The following INPP5A variants were observed in gnomAD, a reference collection of about 807,000 sequenced individuals.
INPP5A encodes inositol polyphosphate-5-phosphatase A, also known as 43 kDa inositol polyphosphate 5-phophatase.
INPP5A carries 14 observed loss-of-function variants against 65.2 expected under a neutral mutation model. That is an observed-to-expected ratio of 0.21 (90% confidence interval 0.14 to 0.34). The LOEUF (loss-of-function observed/expected upper bound fraction) is 0.34. Among genes scored for constraint, INPP5A ranks in the 10% least tolerant of loss-of-function variants. The pLI is 1.00. For synonymous variants in INPP5A, 207 were observed against 208.3 expected, an observed-to-expected ratio of 0.99 and a Z score of 0.05; for missense variants, 431 against 545.6, an observed-to-expected ratio of 0.79 and a Z score of 2.09.
intron 9 of INPP5A, among the ~76,000 whole-genome samples, chr10:132,742,797 G>A (rs369062688): frequency 2.0e-5 from 3 of 152,292 alleles, no homozygotes; most frequent in East Asian, 1.9e-4. Flanking sequence ...TCATGATGCC[G>A]GTTTGGTTCT....
intron 7 of INPP5A, among the ~76,000 whole-genome samples, 179 bp from the exon 8 acceptor site, chr10:132,710,158 G>A (rs972981911): frequency 8.5e-5 from 13 of 152,388 alleles, no homozygotes; most frequent in African/African-American, 3.1e-4. Context: ...CTTCACTGGA[G>A]GTTTCCTGAC....
intron 9 of INPP5A, among the ~76,000 whole-genome samples, chr10:132,733,137 GC>G (rs1846116180): frequency 6.6e-6 from 1 of 152,150 alleles, no homozygotes; most frequent in African/African-American, 2.4e-5. Context: ...TCCTCATGTG[GC>G]CTTTTCTTGC....
chr10:132,753,919 T>C lies in INPP5A; in HGVS notation c.903+4074T>C, dbSNP rs1454419765. Reference sequence around the variant, plus strand: ...GAAGAATGTGGGAGACCATGCGAAATTGGTGATCATGTTTGTGAAAAATCT... The same window carrying C: ...GAAGAATGTGGGAGACCATGCGAAACTGGTGATCATGTTTGTGAAAAATCT... On this transcript the variant is annotated intron_variant, in intron 11 of 15. Transcript: ENST00000368594. The surrounding 1 kb of genome is among the most constrained non-coding windows in gnomAD (Gnocchi z 5.3). 2 of 152,202 alleles carry C rather than the reference T, an allele frequency of 1.3e-5. No homozygotes were observed. Among genetic ancestry groups the C allele is most frequent in the Non-Finnish European group, 2.9e-5 (2 of 68,036 alleles). 9.4% of individuals were successfully genotyped at this position (152,202 alleles called of 1,614,324 possible).
At chr10:132,604,727 T>A (rs2071823997) in intron 1 of INPP5A, among the ~76,000 whole-genome samples, 1 of 152,176 alleles carries the variant, frequency 6.6e-6, no homozygotes, top group Non-Finnish European at 1.5e-5. Flanking sequence ...GGAAAAACGC[T>A]GGGATTAGGG....
chr10:132,605,360 T>C (rs1398111163), intron 1 of INPP5A, among the ~76,000 whole-genome samples: 2 of 40,878 alleles, frequency 4.9e-5, no homozygotes, highest in East Asian at 1.3e-3. Context: ...CCCCCAGGAG[T>C]GAGGGGGAAG....
intron 1 of INPP5A, among the ~76,000 whole-genome samples, chr10:132,567,000 C>T (rs1436738984): frequency 6.6e-6 from 1 of 152,212 alleles, no homozygotes; most frequent in Non-Finnish European, 1.5e-5. Flanking sequence ...GCTCTGATCT[C>T]TCAGGAGGCA....
In INPP5A at chr10:132,545,653, T is replaced by C. The variant is rs1181319207; in HGVS notation, c.75+7482T>C. Among the ~76,000 whole-genome samples the C allele has an allele frequency of 6.6e-6, 1 of 152,246 alleles. No individual in the cohort carries two copies. Among genetic ancestry groups the C allele is most frequent in the Non-Finnish European group, 1.5e-5 (1 of 68,040 alleles). On this transcript the variant is annotated intron_variant, in intron 1 of 15. Transcript: ENST00000368594. This position sits in a 1 kb window ranked among gnomAD's most constrained non-coding sequence, Gnocchi z 4.6. Reference sequence around the variant, plus strand: ...TTCCCATGCGGACCTGAAAGTGCTGTCAAGTTCCCCCTTCCTTTGCTCGGT... The same window carrying C: ...TTCCCATGCGGACCTGAAAGTGCTGCCAAGTTCCCCCTTCCTTTGCTCGGT...
chr10:132,587,412 C>T lies in INPP5A; in HGVS notation c.76-20503C>T, dbSNP rs1181812165. Among the ~76,000 whole-genome samples the T allele has an allele frequency of 6.6e-6, 1 of 152,190 alleles. No homozygotes were observed. Among genetic ancestry groups the T allele is most frequent in the African/African-American group, 2.4e-5 (1 of 41,444 alleles). On this transcript the variant is annotated intron_variant, in intron 1 of 15. Coordinates refer to ENST00000368594, the MANE Select transcript of INPP5A (RefSeq NM_005539.5). The surrounding 1 kb of genome is among the most constrained non-coding windows in gnomAD (Gnocchi z 4.3). ...ACAGCCCATGGTGTGCTCTGTGGGGCTGGCAGGGATCCTGGCATGGCCTGT... is the reference window on the plus strand; with the variant it reads ...ACAGCCCATGGTGTGCTCTGTGGGGTTGGCAGGGATCCTGGCATGGCCTGT...
At position 132,710,449 on chromosome 10, in the gene INPP5A, C is replaced by T. The variant is rs1043272356; in HGVS notation, c.640C>T (p.Leu214=). The T allele has an allele frequency of 3.1e-6, 5 of 1,613,410 alleles. No individual in the cohort carries two copies. The highest frequency in any genetic ancestry group is 4.2e-6 in the Non-Finnish European group (5 of 1,179,910). The change falls in exon 8 of 16, where the codon CTG becomes TTG. Residue 214 remains leucine, a synonymous_variant. Coordinates refer to ENST00000368594, the MANE Select transcript of INPP5A (RefSeq NM_005539.5). ...GIRHKALGYV[L]DRIIDQRFEK... is the part of the protein sequence containing the mutation. ...CCGGCACAAGGCACTGGGCTACGTG[C>T]TGGACAGGTAGGTGTGGGCGGGCAG...
chr10:132,732,841 C>T (rs1361415526), intron 9 of INPP5A, among the ~76,000 whole-genome samples: 1 of 152,148 alleles, frequency 6.6e-6, no homozygotes, highest in African/African-American at 2.4e-5. Context: ...GTTTGCTCAT[C>T]TGTTGACGTG....
chr10:132,721,877 G>A (rs1476354834), intron 8 of INPP5A, among the ~76,000 whole-genome samples: 1 of 152,200 alleles, frequency 6.6e-6, no homozygotes, highest in East Asian at 1.9e-4. Context: ...TCACCCTGAG[G>A]GCTTGAGGCT....
At chr10:132,718,328 G>C (rs926555832) in intron 8 of INPP5A, among the ~76,000 whole-genome samples, 2 of 149,968 alleles carry the variant, frequency 1.3e-5, no homozygotes, top group Non-Finnish European at 3.0e-5. Context: ...TGGTACCTGG[G>C]TTCTGTCTGA....
At chr10:132,699,491 G>A (rs544561312) in intron 6 of INPP5A, among the ~76,000 whole-genome samples, 18 of 152,330 alleles carry the variant, frequency 1.2e-4, no homozygotes, top group Admixed American at 9.8e-4. Flanking sequence ...CCATGTGGCT[G>A]CATTGCTGTC....
intron 1 of INPP5A, among the ~76,000 whole-genome samples, chr10:132,572,144 C>T (rs547914490): frequency 6.6e-6 from 1 of 152,356 alleles, no homozygotes; most frequent in East Asian, 1.9e-4. Flanking sequence ...CATCCAAGAG[C>T]CTGGCCGGAA....
chr10:132,632,761 A>C (rs1259725742), intron 2 of INPP5A, among the ~76,000 whole-genome samples: 1 of 152,222 alleles, frequency 6.6e-6, no homozygotes, highest in Non-Finnish European at 1.5e-5. Context: ...CCCCACACTC[A>C]TCCCTTCCTA....
intron 1 of INPP5A, among the ~76,000 whole-genome samples, chr10:132,560,077 G>A (rs926085653): frequency 3.3e-5 from 5 of 151,676 alleles, no homozygotes; most frequent in African/African-American, 1.2e-4. Context: ...AGACCTGCTT[G>A]TGGAATTGCT....
At chr10:132,717,580 G>T (rs1464379982) in intron 8 of INPP5A, among the ~76,000 whole-genome samples, 2 of 150,440 alleles carry the variant, frequency 1.3e-5, no homozygotes, top group Middle Eastern at 3.4e-3. Flanking sequence ...GCCTTAGACG[G>T]CTGTCTTGTG....
intron 9 of INPP5A, among the ~76,000 whole-genome samples, chr10:132,732,676 C>T (rs555309113): frequency 7.3e-4 from 111 of 152,298 alleles, no homozygotes; most frequent in African/African-American, 2.4e-3. Context: ...ACCCTGGAAC[C>T]GACCACGGGG....
chr10:132,744,317 C>T (rs1329671564), intron 9 of INPP5A, among the ~76,000 whole-genome samples: 9 of 152,340 alleles, frequency 5.9e-5, no homozygotes, highest in Admixed American at 4.6e-4. Flanking sequence ...GAGCCATCCC[C>T]CACCACCCAC....
Sources: allele counts gnomAD v4.1 joint callset (sites outside exome capture counted in the v4.1 genomes callset), GRCh38; gene constraint gnomAD v4.1.1; non-coding constraint Gnocchi (gnomAD v3.1); transcripts MANE v1.5; gene names NCBI Gene and HGNC (gene_info 2026-07-23, HGNC 2026-07-21).